The following SMYD3 variants were observed in gnomAD, a reference collection of about 807,000 sequenced individuals.
SMYD3 encodes the protein SET and MYND domain containing 3.
SMYD3 carries 36 observed loss-of-function variants against 57.7 expected under a neutral mutation model. That is an observed-to-expected ratio of 0.62 (90% CI 0.48 to 0.82). The LOEUF is 0.82. SMYD3 is among the 40% of genes least tolerant of loss of function. The pLI, the probability that SMYD3 is intolerant of heterozygous loss-of-function variation, is 0.00. For synonymous variants in SMYD3, 211 were observed against 195.0 expected (o/e 1.08, Z -0.68); for missense variants, 515 against 538.8 (o/e 0.96, Z 0.44).
At chr1:246,301,811 A>C (rs1000517987) in intron 5 of SMYD3, among the ~76,000 whole-genome samples, 2 of 152,192 alleles carry the variant, frequency 1.3e-5, no homozygotes, top group Admixed American at 1.3e-4. Context: ...TGAATAAATA[A>C]ATAAGTGACT....
At chr1:246,369,900 C>CA (rs11361676) in intron 1 of SMYD3, among the ~76,000 whole-genome samples, 22 of 149,924 alleles carry the variant, frequency 1.5e-4, no homozygotes, top group South Asian at 4.2e-4. Context: ...AAGTATAAAA[C>CA]AAAAAAAAAA....
intron 7 of SMYD3, among the ~76,000 whole-genome samples, chr1:245,917,504 G>A (rs566202212): frequency 1.3e-5 from 2 of 152,216 alleles, no homozygotes; most frequent in African/African-American, 4.8e-5. Flanking sequence ...CCACCAGGCT[G>A]GCCTCCCGTC....
chr1:246,420,867 G>C (rs1220457017), intron 1 of SMYD3, among the ~76,000 whole-genome samples: 1 of 152,212 alleles, frequency 6.6e-6, no homozygotes, highest in African/African-American at 2.4e-5. Context: ...GATTAATGCA[G>C]TAATTGATGA....
chr1:246,207,989 A>G (rs1259032177), intron 5 of SMYD3, among the ~76,000 whole-genome samples: 1 of 152,154 alleles, frequency 6.6e-6, no homozygotes, highest in Non-Finnish European at 1.5e-5. Flanking sequence ...GTAAATCTAC[A>G]TTCTCAAAAT....
In SMYD3 at chr1:245,979,965, G is replaced by A. The variant is rs542673805; in HGVS notation, c.532-50028C>T. The stretch of plus-strand genomic sequence containing the variant: ...CAGGGGTGAGAAGCGCAGCTTCTGC[G>A]TCAGACACCAGTCTAGTGGACATCG... On this transcript the variant is annotated intron_variant, in intron 5 of 11. Transcript: ENST00000490107. 2.6e-5 allele frequency among the ~76,000 whole-genome samples: 4 copies of A among 152,346 alleles called. No individual in the cohort carries two copies. In the South Asian group the frequency reaches 8.3e-4, roughly 32 times the overall value.
At chr1:246,129,580 T>C (rs1481207124) in intron 5 of SMYD3, among the ~76,000 whole-genome samples, 1 of 152,164 alleles carries the variant, frequency 6.6e-6, no homozygotes, top group African/African-American at 2.4e-5. Context: ...CTATTCAAAG[T>C]AGCCCAAAGG....
chr1:245,843,022 T>G (rs1431389836), intron 10 of SMYD3, among the ~76,000 whole-genome samples: 1 of 152,256 alleles, frequency 6.6e-6, no homozygotes, highest in Non-Finnish European at 1.5e-5. Context: ...ATATGTATTT[T>G]TTTAAAATAA....
chr1:246,185,354 A>C (rs1399938890), intron 5 of SMYD3, among the ~76,000 whole-genome samples: 1 of 150,822 alleles, frequency 6.6e-6, no homozygotes, highest in Non-Finnish European at 1.5e-5. Flanking sequence ...CTCCTGCCTC[A>C]TTCTCCTGAG....
intron 5 of SMYD3, among the ~76,000 whole-genome samples, chr1:246,085,574 A>G (rs1558214480): frequency 1.3e-5 from 2 of 152,190 alleles, no homozygotes; most frequent in Non-Finnish European, 2.9e-5. Context: ...AGACCTGAAC[A>G]AATAGGTCTT....
At chr1:246,482,575 C>T (rs1348053145) in intron 1 of SMYD3, among the ~76,000 whole-genome samples, 1 of 152,162 alleles carries the variant, frequency 6.6e-6, no homozygotes. Flanking sequence ...GGGCTCTCCA[C>T]AGCTCTCACT....
At position 246,349,579 on chromosome 1, in the gene SMYD3, G is replaced by A. The variant is rs555136794; in HGVS notation, c.228+5452C>T. Among the ~76,000 whole-genome samples the A allele has an allele frequency of 9.0e-4, 137 of 151,766 alleles. 1 individual carries two copies. The highest frequency in any genetic ancestry group is 3.3e-3 in the African/African-American group (136 of 41,414). ...GGGGTGTTCAGGCCACTGCACTCCA[G>A]CCTGGGTGACAGAGAGAGATCCCAT... On this transcript the variant is annotated intron_variant, in intron 2 of 11. Transcript: ENST00000490107.
intron 1 of SMYD3, among the ~76,000 whole-genome samples, chr1:246,409,252 T>C (rs1436051888): frequency 6.6e-6 from 1 of 152,238 alleles, no homozygotes; most frequent in Non-Finnish European, 1.5e-5. Context: ...GTCTTGCCCA[T>C]GCCTATGTCC....
chr1:246,075,925 C>T (rs2060537999), intron 5 of SMYD3, among the ~76,000 whole-genome samples: 1 of 105,694 alleles, frequency 9.5e-6, no homozygotes, highest in African/African-American at 4.0e-5. Flanking sequence ...AAAAAGAACA[C>T]AGAGACATAT....
At chr1:246,311,278 C>T (rs892226190) in intron 5 of SMYD3, among the ~76,000 whole-genome samples, 3 of 152,198 alleles carry the variant, frequency 2.0e-5, no homozygotes, top group African/African-American at 7.2e-5. Context: ...CTTGCTGACT[C>T]TGAGGTGGCA....
intron 2 of SMYD3, among the ~76,000 whole-genome samples, chr1:246,353,525 C>G (rs1379434898): frequency 6.6e-5 from 10 of 151,844 alleles, no homozygotes; most frequent in Non-Finnish European, 1.5e-4. Context: ...CAAGACTGTC[C>G]CCAAATAAAA....
chr1:246,449,129 G>T (rs1043533294), intron 1 of SMYD3, among the ~76,000 whole-genome samples: 1 of 152,082 alleles, frequency 6.6e-6, no homozygotes, highest in Non-Finnish European at 1.5e-5. Flanking sequence ...ACTCAGGGGG[G>T]ACTGAGATGG....
intron 10 of SMYD3, among the ~76,000 whole-genome samples, chr1:245,832,879 C>G (rs545356285): frequency 6.6e-6 from 1 of 151,808 alleles, no homozygotes; most frequent in African/African-American, 2.4e-5. Flanking sequence ...ATTGACTTTG[C>G]TAAGTGTCAG....
intron 5 of SMYD3, among the ~76,000 whole-genome samples, chr1:246,104,792 C>T (rs984153868): frequency 6.6e-6 from 1 of 152,144 alleles, no homozygotes; most frequent in African/African-American, 2.4e-5. Flanking sequence ...ATTATAGATA[C>T]AGTTGAAACC....
chr1:246,189,399 CA>C (rs2148319104), intron 5 of SMYD3, among the ~76,000 whole-genome samples: 1 of 152,288 alleles, frequency 6.6e-6, no homozygotes, highest in Non-Finnish European at 1.5e-5. Context: ...ACAGTTATTC[CA>C]TATTGGAGCA....
Sources: allele counts gnomAD v4.1 joint callset (sites outside exome capture counted in the v4.1 genomes callset), GRCh38; gene constraint gnomAD v4.1.1; transcripts MANE v1.5; gene names NCBI Gene and HGNC (gene_info 2026-07-23, HGNC 2026-07-21).